The following PDGFD variants were observed in gnomAD, a reference collection of about 807,000 sequenced individuals.
The protein encoded by PDGFD is platelet-derived growth factor D.
A neutral mutation model predicts 44.7 loss-of-function variants in PDGFD; 30 were observed. That is an observed-to-expected ratio of 0.67 (90% CI 0.50 to 0.91). The LOEUF (loss-of-function observed/expected upper bound fraction) is 0.91. Ranked by LOEUF, PDGFD falls within the 40% of genes least tolerant of loss-of-function variation. The pLI is 0.00. For synonymous variants in PDGFD, 173 were observed against 168.4 expected, an observed-to-expected ratio of 1.03 and a Z score of -0.21; for missense variants, 445 against 457.8, an observed-to-expected ratio of 0.97 and a Z score of 0.25.
intron 5 of PDGFD, among the ~76,000 whole-genome samples, chr11:103,927,710 G>A (rs1465336810): frequency 6.6e-6 from 1 of 152,126 alleles, no homozygotes; most frequent in Non-Finnish European, 1.5e-5. Flanking sequence ...GTGCATATTT[G>A]TGCACTGGGT....
chr11:104,031,020 C>G (rs372341490), intron 1 of PDGFD, among the ~76,000 whole-genome samples: 1 of 152,092 alleles, frequency 6.6e-6, no homozygotes, highest in East Asian at 1.9e-4. Flanking sequence ...AAATGTAATA[C>G]GCAAAACGAT....
intron 3 of PDGFD, among the ~76,000 whole-genome samples, chr11:103,967,444 C>T (rs905336843): frequency 2.6e-5 from 4 of 152,182 alleles, no homozygotes; most frequent in Admixed American, 2.6e-4. Flanking sequence ...ATGCAAAATG[C>T]ATTCTGTGAC....
At chr11:104,022,861 G>T (rs1016269021) in intron 1 of PDGFD, among the ~76,000 whole-genome samples, 6 of 151,910 alleles carry the variant, frequency 3.9e-5, no homozygotes, top group African/African-American at 1.4e-4. Flanking sequence ...GGCTATTTTT[G>T]CTGGTAAAGT....
chr11:103,947,098 C>A (rs186707473), intron 4 of PDGFD, among the ~76,000 whole-genome samples: 1 of 152,282 alleles, frequency 6.6e-6, no homozygotes, highest in Admixed American at 6.5e-5. Flanking sequence ...GATAAGGAGA[C>A]TGAATACTGA....
At chr11:103,999,754 ATGC>A (rs1859590942) in intron 2 of PDGFD, among the ~76,000 whole-genome samples, 1 of 152,236 alleles carries the variant, frequency 6.6e-6, no homozygotes, top group African/African-American at 2.4e-5. Context: ...CTGTGCATAA[ATGC>A]TGCTCTGTGC....
intron 1 of PDGFD, among the ~76,000 whole-genome samples, chr11:104,107,842 G>C (rs945100635): frequency 5.3e-5 from 8 of 152,128 alleles, no homozygotes; most frequent in African/African-American, 1.9e-4. Flanking sequence ...GCTCAGTTCA[G>C]TTGCTGTCAC....
At chr11:104,162,523 G>A (rs753698496) in intron 1 of PDGFD, among the ~76,000 whole-genome samples, 14 of 152,030 alleles carry the variant, frequency 9.2e-5, no homozygotes, top group Non-Finnish European at 2.1e-4. Context: ...AAAAATGCAC[G>A]GCTGGAATCT....
chr11:104,087,182 C>T (rs1297663783), intron 1 of PDGFD, among the ~76,000 whole-genome samples: 1 of 142,812 alleles, frequency 7.0e-6, no homozygotes, highest in East Asian at 2.1e-4. Flanking sequence ...GTGCAGGCCA[C>T]CACAACTGGC....
chr11:103,910,964 C>A (rs1403507085), intron 6 of PDGFD, among the ~76,000 whole-genome samples: 1 of 152,204 alleles, frequency 6.6e-6, no homozygotes, highest in Non-Finnish European at 1.5e-5. Context: ...AACAAAGCTA[C>A]TGGGAAGTTT....
chr11:103,999,019 T>C (rs1005550141), intron 2 of PDGFD, among the ~76,000 whole-genome samples: 4 of 152,242 alleles, frequency 2.6e-5, no homozygotes, highest in Admixed American at 2.6e-4. Flanking sequence ...AGACGCAAGA[T>C]CAGCATTAGT....
chr11:104,088,504 C>T (rs1215305018), intron 1 of PDGFD, among the ~76,000 whole-genome samples: 7 of 152,142 alleles, frequency 4.6e-5, no homozygotes, highest in Non-Finnish European at 2.9e-5. Context: ...CATAAACACA[C>T]AACATAAAAG....
At chr11:104,098,499 C>G (rs963993424) in intron 1 of PDGFD, among the ~76,000 whole-genome samples, 1 of 121,760 alleles carries the variant, frequency 8.2e-6, no homozygotes, top group Admixed American at 1.1e-4. Context: ...TATTTTCCTT[C>G]TGTTTCTCTT....
At chr11:104,138,299 C>T (rs2119864608) in intron 1 of PDGFD, among the ~76,000 whole-genome samples, 2 of 152,088 alleles carry the variant, frequency 1.3e-5, no homozygotes, top group Middle Eastern at 3.4e-3. Context: ...TTTATGAAAA[C>T]CCAAAGAGGA....
rs534476693 is a variant in PDGFD, at chr11:104,028,947, C to T, written c.125-28692G>A. 3.3e-5 allele frequency among the ~76,000 whole-genome samples: 5 copies of T among 152,178 alleles called. No homozygotes were observed. In the East Asian group the frequency reaches 7.7e-4, roughly 23 times the overall value. ...TTCCCTGATTTTGAAAGTTAGAGTA[C>T]GTAGTTACTCTGATTAGTTCCTGTC... On this transcript the variant is annotated intron_variant, in intron 1 of 6. Coordinates refer to ENST00000393158, the MANE Select transcript of PDGFD (RefSeq NM_025208.5).
intron 1 of PDGFD, among the ~76,000 whole-genome samples, chr11:104,069,182 C>T (rs1385768614): frequency 3.3e-5 from 5 of 152,160 alleles, no homozygotes; most frequent in Non-Finnish European, 5.9e-5. Context: ...TTTCACGACA[C>T]GGACACCTTT....
chr11:104,020,190 G>A (rs1482839582), intron 1 of PDGFD, among the ~76,000 whole-genome samples: 1 of 152,102 alleles, frequency 6.6e-6, no homozygotes, highest in African/African-American at 2.4e-5. Flanking sequence ...TAGAGATGGA[G>A]ACATATACTT....
At chr11:103,958,543 A>G (rs1858890484) in intron 3 of PDGFD, among the ~76,000 whole-genome samples, 1 of 152,228 alleles carries the variant, frequency 6.6e-6, no homozygotes, top group South Asian at 2.1e-4. Context: ...CAAGTTTGAA[A>G]TGAAGAAATA....
intron 1 of PDGFD, among the ~76,000 whole-genome samples, chr11:104,094,918 GCATGATGTGAC>G (rs1410533917): frequency 2.0e-5 from 3 of 152,046 alleles, no homozygotes; most frequent in Non-Finnish European, 4.4e-5. Flanking sequence ...ACAAAACTTT[GCATGATGTGAC>G]CCCTGCTAGG....
chr11:104,023,118 T>C (rs1859988737), intron 1 of PDGFD, among the ~76,000 whole-genome samples: 2 of 152,158 alleles, frequency 1.3e-5, no homozygotes, highest in South Asian at 4.1e-4. Context: ...CCACTTTTTA[T>C]AGCTTTGTAT....
Sources: gnomAD v4.1 joint callset for allele counts (sites outside exome capture counted in the v4.1 genomes callset) on GRCh38, gnomAD v4.1.1 for gene constraint, MANE v1.5 for transcripts, NCBI Gene and HGNC (gene_info 2026-07-23, HGNC 2026-07-21) for gene names.